COP1: variants seen among roughly 807,000 people sequenced by gnomAD.
COP1 encodes E3 ubiquitin-protein ligase COP1.
Under a neutral mutation model 101.3 loss-of-function variants are expected in COP1, and 24 were observed. That is an observed-to-expected ratio of 0.24 (90% CI 0.17 to 0.33). COP1 has a LOEUF of 0.33. COP1 is among the 10% of genes least tolerant of loss of function. COP1 has a pLI of 1.00. For missense variants in COP1, 663 were observed against 906.2 expected (o/e 0.73, Z 3.45); for synonymous variants, 347 against 341.9 (o/e 1.01, Z -0.17).
intron 15 of COP1, among the ~76,000 whole-genome samples, chr1:176,007,533 C>G (rs900272163): frequency 6.6e-6 from 1 of 150,542 alleles, no homozygotes; most frequent in Non-Finnish European, 1.5e-5. Context: ...GTGTGGATGT[C>G]CTTTCTGTTT....
intron 9 of COP1, among the ~76,000 whole-genome samples, chr1:176,089,442 A>G (rs1680888983): frequency 6.6e-6 from 1 of 152,352 alleles, no homozygotes; most frequent in East Asian, 1.9e-4. Flanking sequence ...AATAAACTTG[A>G]AAAATGTTAG....
rs1329111973 is a variant in COP1 at position 176,161,968 on chromosome 1, T to C, written c.762+901A>G. 5.3e-5 allele frequency among the ~76,000 whole-genome samples: 8 copies of C among 152,210 alleles called. No individual in the cohort carries two copies. In the East Asian group the frequency reaches 9.6e-4, roughly 18 times the overall value. On this transcript the variant is annotated intron_variant, in intron 5 of 19. Coordinates refer to ENST00000367669, the MANE Select transcript of COP1 (RefSeq NM_022457.7). ...GCAGTTGGAAACAAAAGCTCCTTTT[T>C]TTCTTTTATCAAAAAACATACATAT...
At chr1:176,147,836 A>G (rs1691798986) in intron 6 of COP1, among the ~76,000 whole-genome samples, 2 of 152,346 alleles carry the variant, frequency 1.3e-5, no homozygotes, top group Admixed American at 1.3e-4. Context: ...CTCTCCAGAA[A>G]TGCAGATTGC....
intron 1 of COP1, among the ~76,000 whole-genome samples, chr1:176,188,832 G>GACAC (rs1382238628): frequency 1.4e-5 from 1 of 70,100 alleles, no homozygotes; most frequent in Non-Finnish European, 3.7e-5. Flanking sequence ...AAAACACATA[G>GACAC]ATACACACAC....
chr1:176,000,587 T>C (rs559424534), intron 15 of COP1, among the ~76,000 whole-genome samples: 3 of 152,168 alleles, frequency 2.0e-5, no homozygotes, highest in African/African-American at 7.2e-5. Flanking sequence ...GGTCTCTCAC[T>C]GATTGAAATG....
intron 11 of COP1, among the ~76,000 whole-genome samples, chr1:176,057,926 G>T (rs1410383077): frequency 6.6e-6 from 1 of 151,478 alleles, no homozygotes; most frequent in Non-Finnish European, 1.5e-5. Flanking sequence ...TCTGAGATGT[G>T]GGGAGCACCT....
At chr1:176,167,148 T>C (rs1211839403) in intron 3 of COP1, among the ~76,000 whole-genome samples, 1 of 152,178 alleles carries the variant, frequency 6.6e-6, no homozygotes, top group Admixed American at 6.5e-5. Context: ...TGTCTATATA[T>C]GTATATATGA....
chr1:176,177,546 G>A (rs1697139681), intron 2 of COP1, among the ~76,000 whole-genome samples: 1 of 151,850 alleles, frequency 6.6e-6, no homozygotes, highest in Non-Finnish European at 1.5e-5. Flanking sequence ...TATGGGAAAT[G>A]TTTTCTTTGT....
intron 18 of COP1, among the ~76,000 whole-genome samples, chr1:175,948,469 A>ATTT (rs1332183106): frequency 1.3e-5 from 2 of 152,236 alleles, no homozygotes; most frequent in African/African-American, 2.4e-5. Context: ...ATCTACCTAA[A>ATTT]TATCCTTCAG....
At chr1:176,101,171 T>C (rs1019954392) in intron 9 of COP1, among the ~76,000 whole-genome samples, 1 of 152,130 alleles carries the variant, frequency 6.6e-6, no homozygotes, top group Non-Finnish European at 1.5e-5. Context: ...TCAACATCAG[T>C]GAAAGCTGCT....
intron 1 of COP1, among the ~76,000 whole-genome samples, chr1:176,190,395 GT>G (rs1698989274): frequency 6.6e-6 from 1 of 151,920 alleles, no homozygotes; most frequent in Non-Finnish European, 1.5e-5. Flanking sequence ...TCTTGTCACT[GT>G]TTATTAAAAT....
chr1:176,087,204 A>C (rs1680367923), intron 9 of COP1, among the ~76,000 whole-genome samples: 1 of 152,236 alleles, frequency 6.6e-6, no homozygotes, highest in Non-Finnish European at 1.5e-5. Flanking sequence ...ATGGGCAAAG[A>C]CTTCATGATT....
intron 9 of COP1, among the ~76,000 whole-genome samples, chr1:176,096,975 G>C (rs984210086): frequency 6.6e-6 from 1 of 152,082 alleles, no homozygotes; most frequent in African/African-American, 2.4e-5. Context: ...TTTTTGGTTT[G>C]ATACCTGTGC....
At chr1:176,083,734 T>C (rs1216716406) in intron 10 of COP1, among the ~76,000 whole-genome samples, 1 of 152,154 alleles carries the variant, frequency 6.6e-6, no homozygotes, top group Non-Finnish European at 1.5e-5. Context: ...CAGATTCTCA[T>C]TTGAAAATAT....
intron 18 of COP1, among the ~76,000 whole-genome samples, chr1:175,965,925 C>T (rs971049633): frequency 6.6e-6 from 1 of 152,076 alleles, no homozygotes; most frequent in South Asian, 2.1e-4. Flanking sequence ...CTTATTTGAC[C>T]GGAGTGTTTC....
At chr1:175,952,790 G>C (rs1037751695) in intron 18 of COP1, among the ~76,000 whole-genome samples, 2 of 150,682 alleles carry the variant, frequency 1.3e-5, no homozygotes, top group African/African-American at 4.8e-5. Flanking sequence ...ATGCATGCAT[G>C]CCTCTAGTCC....
chr1:176,108,018 T>C (rs10913137), intron 9 of COP1, among the ~76,000 whole-genome samples: 59,919 of 138,086 alleles, frequency 0.43, 12,067 homozygotes, highest in Admixed American at 0.51. Flanking sequence ...TCATTCAGAA[T>C]TGGTCCTGGA....
chr1:176,032,849 T>C (rs1057394559), intron 14 of COP1, among the ~76,000 whole-genome samples: 23 of 151,982 alleles, frequency 1.5e-4, no homozygotes, highest in African/African-American at 5.3e-4. Context: ...CTGGAGGCCA[T>C]GATGGATGCT....
chr1:176,042,549 C>T (rs1218059223), intron 14 of COP1, among the ~76,000 whole-genome samples: 2 of 117,394 alleles, frequency 1.7e-5, no homozygotes, highest in Non-Finnish European at 3.4e-5. Context: ...GGCAGCAGAG[C>T]GAGAATCCGT....
Sources: allele counts gnomAD v4.1 joint callset (sites outside exome capture counted in the v4.1 genomes callset), GRCh38; gene constraint gnomAD v4.1.1; transcripts MANE v1.5; gene names NCBI Gene and HGNC (gene_info 2026-07-23, HGNC 2026-07-21).